MYO15A: variants seen among roughly 807,000 people sequenced by gnomAD.
MYO15A encodes unconventional myosin-XV.
A neutral mutation model predicts 394.6 loss-of-function variants in MYO15A; 308 were observed. That is an observed-to-expected ratio of 0.78 (90% CI 0.71 to 0.86). The LOEUF is 0.86. Among genes scored for constraint, MYO15A ranks in the 40% least tolerant of loss-of-function variants. The pLI is 0.00. For missense variants in MYO15A, 4,606 were observed against 4,799.1 expected (o/e 0.96, Z 1.19); for synonymous variants, 1,957 against 2,003.8 (o/e 0.98, Z 0.62).
rs539637895 is a variant in MYO15A at position 18,142,205 on chromosome 17, C to T, written c.5776C>T (p.Arg1926Cys). 13 of 1,613,628 alleles carry T rather than the reference C, an allele frequency of 8.1e-6. No individual in the cohort carries two copies. The highest frequency in any genetic ancestry group is 5.3e-5 in the African/African-American group (4 of 75,052). The change falls in exon 24 of 66, where the codon CGC becomes TGC. Residue 1926 changes from arginine (R) to cysteine (C), a missense_variant. By Grantham distance (180) the Arg-to-Cys change is radical. This residue lies in a region of MYO15A where 2,776 missense variants were observed against 3,109.3 expected (regional missense o/e 0.89). Transcript: ENST00000647165. ...CATTAAGCGGCGATTCCGCTCTCTG[C>T]GCCACAAGATCATCCTGCTGCAAAG... ...FFIKRRFRSL[R>C]HKIILLQSRA...
chr17:18,156,498 C>T (rs1023315577), intron 48 of MYO15A, among the ~76,000 whole-genome samples, 162 bp downstream of exon 48: 3 of 152,226 alleles, frequency 2.0e-5, no homozygotes, highest in Non-Finnish European at 4.4e-5. Flanking sequence ...TCCCTTTTGC[C>T]TGCTCCTTCA....
chr17:18,157,902 T>TGAGA lies in MYO15A; in HGVS notation c.8967+3_8967+6dup. On this transcript the variant is annotated splice_region_variant and intron_variant, in intron 51 of 65. Coordinates refer to ENST00000647165, the MANE Select transcript of MYO15A (RefSeq NM_016239.4). The stretch of plus-strand genomic sequence containing the variant: ...CAGGAGGTGGGCCGCAGGAGAGAGG[T>TGAGA]GAGACCAGTGTGGGTGGGGTGGGGC... 1 of 1,067,478 alleles carries TGAGA rather than the reference T, an allele frequency of 9.4e-7. No homozygotes were observed. Among genetic ancestry groups the TGAGA allele is most frequent in the Non-Finnish European group, 1.2e-6 (1 of 860,498 alleles). The allele number at this position is 1,067,478 out of a possible 1,614,324, so 66.1% of individuals were successfully genotyped here. A position where few individuals can be genotyped will look rare whatever the true frequency, so the allele number is the denominator to read the frequency against.
chr17:18,172,940 C>A (rs1379859692), intron 64 of MYO15A, among the ~76,000 whole-genome samples: 1 of 152,148 alleles, frequency 6.6e-6, no homozygotes, highest in Non-Finnish European at 1.5e-5. Flanking sequence ...GGACCTGTTA[C>A]CCCCTTAGTT....
At chr17:18,130,487 G>A (rs1249193324) in intron 7 of MYO15A, among the ~76,000 whole-genome samples, 1 of 152,140 alleles carries the variant, frequency 6.6e-6, no homozygotes, top group Non-Finnish European at 1.5e-5. Flanking sequence ...AATGGTCAGA[G>A]GCAGGAGTGG....
intron 10 of MYO15A, among the ~76,000 whole-genome samples, chr17:18,131,746 C>A (rs991390498): frequency 6.6e-6 from 1 of 152,128 alleles, no homozygotes; most frequent in Admixed American, 6.5e-5. Context: ...CACGCTCCTG[C>A]CAGGGCCTTT....
chr17:18,112,408 T>G (rs1246167796), intron 1 of MYO15A, among the ~76,000 whole-genome samples: 3 of 149,450 alleles, frequency 2.0e-5, no homozygotes, highest in Non-Finnish European at 4.4e-5. Context: ...TTTTGGGGGG[T>G]CGTGGGGGAC....
rs2046369233 is a variant in MYO15A, at chr17:18,141,027, T to G, written c.5415T>G (p.Gly1805=). 6.2e-7 allele frequency: 1 copy of G among 1,613,876 alleles called. No homozygotes were observed. The part of the protein sequence containing the change: ...CLKPNHKKEP[G]LFEPDVVMAQ... ...TCTGGGCATCCCTACAGGAGCCAGG[T>G]CTCTTTGAGCCAGATGTGGTAATGG... Residue 1805 remains glycine, a synonymous_variant, in exon 22 of 66, where the codon GGT becomes GGG. Coordinates refer to ENST00000647165, the MANE Select transcript of MYO15A (RefSeq NM_016239.4).
At chr17:18,164,039 GC>G (rs766416466) in intron 60 of MYO15A, 96 of 628,568 alleles carry the variant, frequency 1.5e-4, no homozygotes, top group Non-Finnish European at 2.2e-4. Context: ...TGCTTAGTTT[GC>G]CTCACCTTAT....
chr17:18,172,241 T>C lies in MYO15A; in HGVS notation c.10301T>C (p.Ile3434Thr). ...CSNIAVPAPC[I>T]LAINHNGLNF... ...AACATTGCTGTGCCAGCCCCTTGCA[T>C]CCTTGCCATCAACCACAATGGCCTC... Residue 3434 changes from isoleucine to threonine, a missense_variant, in exon 64 of 66, where the codon ATC (isoleucine) becomes ACC (threonine). Physicochemically the swap from Ile to Thr is moderately conservative, Grantham distance 89. Transcript: ENST00000647165. The C allele has an allele frequency of 6.2e-7, 1 of 1,614,206 alleles. No homozygotes were observed. The highest frequency in any genetic ancestry group is 8.5e-7 in the Non-Finnish European group (1 of 1,180,036).
rs746677288 is a variant in MYO15A at position 18,119,472 on chromosome 17, C to T, written c.672C>T (p.Tyr224=). 7 of 1,612,720 alleles carry T rather than the reference C, an allele frequency of 4.3e-6. No homozygotes were observed. The South Asian group carries it at 4.4e-5, about 10-fold the overall frequency. Residue 224 remains tyrosine, a synonymous_variant, in exon 2 of 66, where the codon TAC becomes TAT. Coordinates refer to ENST00000647165, the MANE Select transcript of MYO15A (RefSeq NM_016239.4). ...ACTCGGGCTCCCGCAAGTCGCTGTACGGGCTTGAGGGCTTCCAGGACCTGG... is the reference window on the plus strand; with the variant it reads ...ACTCGGGCTCCCGCAAGTCGCTGTATGGGCTTGAGGGCTTCCAGGACCTGG... ...FHHSGSRKSL[Y]GLEGFQDLGE...
intron 64 of MYO15A, 112 bp from the exon 65 acceptor site, chr17:18,173,669 A>G: frequency 2.1e-6 from 3 of 1,449,260 alleles, no homozygotes; most frequent in Non-Finnish European, 2.9e-6. Context: ...CTGGTACTTG[A>G]ACTGGAGTGA....
Position 18,145,968 on chromosome 17 carries a change from C to G in MYO15A, c.6370C>G (p.Arg2124Gly). The G allele has an allele frequency of 6.2e-7, 1 of 1,613,762 alleles. No homozygotes were observed. The highest frequency in any genetic ancestry group is 8.5e-7 in the Non-Finnish European group (1 of 1,180,014). The change falls in exon 30 of 66, where the codon CGG becomes GGG. Residue 2124 changes from arginine (R) to glycine (G), a missense_variant. Physicochemically the swap from Arg to Gly is moderately radical, Grantham distance 125. Transcript: ENST00000647165. ...VQKGLAVPEL[R>G]DEILAQLANQ... ...GAAGGGGCTGGCGGTGCCTGAGCTG[C>G]GGGATGAGATCCTGGCACAGCTGGC...
At position 18,127,868 on chromosome 17, in the gene MYO15A, T is replaced by C. The variant is rs1054230083; in HGVS notation, c.4032+703T>C. Among the ~76,000 whole-genome samples the C allele has an allele frequency of 2.9e-5, 4 of 139,410 alleles. 1 individual carries two copies. The Admixed American group carries it at 2.9e-4, about 10-fold the overall frequency. The allele number at this position is 139,410 out of a possible 152,430, so 91.5% of individuals were successfully genotyped here. On this transcript the variant is annotated intron_variant, in intron 7 of 65. Transcript: ENST00000647165. ...ATATATATATATATATATACACTTA[T>C]ATAAGTAAATTATGTGTATGTGAAA...
At chr17:18,122,568 C>T in intron 2 of MYO15A, 159 bp downstream of exon 2, 1 of 1,148,598 alleles carries the variant, frequency 8.7e-7, no homozygotes, top group Admixed American at 2.9e-5. Context: ...CTGGACCTCC[C>T]AGAACCTCTG....
Position 18,150,350 on chromosome 17 carries a change from C to T in MYO15A, c.7213-79C>T. ...CTCCCACGAGAGGGTGGGGAAGAGG[C>T]CAGTGTCAGGTGCCTGTTGCCATGG... On this transcript the variant is annotated intron_variant, in intron 35 of 65. Transcript: ENST00000647165. This position sits in a 1 kb window ranked among gnomAD's most constrained non-coding sequence, Gnocchi z 4.4. 1 of 1,305,060 alleles carries T rather than the reference C, an allele frequency of 7.7e-7. No individual in the cohort carries two copies. The highest frequency in any genetic ancestry group is 1.1e-6 in the Non-Finnish European group (1 of 903,362). The allele number at this position is 1,305,060 out of a possible 1,614,324, so 80.8% of individuals were successfully genotyped here.
intron 16 of MYO15A, 41 bp downstream of exon 16, chr17:18,137,720 G>A (rs1469857707): frequency 1.4e-5 from 22 of 1,595,208 alleles, no homozygotes; most frequent in Non-Finnish European, 1.8e-5. Context: ...TGTCTTGACT[G>A]GCCAGTGGAC....
rs1240409891 is a variant in MYO15A, at chr17:18,121,032, G to A, written c.2232G>A (p.Ser744=). Residue 744 remains serine (S), a synonymous_variant, in exon 2 of 66, where the codon TCG becomes TCA. Transcript: ENST00000647165. The surrounding 1 kb of genome is among the most constrained non-coding windows in gnomAD (Gnocchi z 5.3). ...DLLAFPGPRP[S]FRGSRRRGAA... ...TAGCCTTCCCAGGGCCCCGACCCTC[G>A]TTCAGGGGCTCCCGCCGGAGAGGGG... The A allele has an allele frequency of 3.3e-6, 5 of 1,509,494 alleles. No individual in the cohort carries two copies. Among genetic ancestry groups the A allele is most frequent in the Admixed American group, 2.0e-5 (1 of 49,000 alleles). The allele number at this position is 1,509,494 out of a possible 1,614,324, so 93.5% of individuals were successfully genotyped here.
chr17:18,121,602 TCCC>T lies in MYO15A; in HGVS notation c.2803_2805del (p.Pro935del). The stretch of plus-strand genomic sequence containing the variant: ...CCCCCAGCTGGGACGTGGACATGCC[TCCC>T]ACCCAACGCCCACCCTCCCCCTGGC... On this transcript the variant is annotated inframe_deletion, in exon 2 of 66. Transcript: ENST00000647165. The surrounding 1 kb of genome is among the most constrained non-coding windows in gnomAD (Gnocchi z 5.3). 1 of 1,595,630 alleles carries T rather than the reference TCCC, an allele frequency of 6.3e-7. No individual in the cohort carries two copies. Among genetic ancestry groups the T allele is most frequent in the Non-Finnish European group, 8.5e-7 (1 of 1,170,388 alleles).
In MYO15A at chr17:18,153,231, TTCTCTGCTAAAAACACAAAAA is replaced by T. The variant is rs2046613958; in HGVS notation, c.7967-542_7967-522del. On this transcript the variant is annotated intron_variant, in intron 42 of 65. Coordinates refer to ENST00000647165, the MANE Select transcript of MYO15A (RefSeq NM_016239.4). The surrounding 1 kb of genome is among the most constrained non-coding windows in gnomAD (Gnocchi z 4.1). The stretch of plus-strand genomic sequence containing the variant: ...ATCCTGGCCAATATGGTGAAACCCC[TTCTCTGCTAAAAACACAAAAA>T]TTAGCTGGGCGTGGTGGTGGGCACA... 6.8e-6 allele frequency among the ~76,000 whole-genome samples: 1 copy of T among 148,002 alleles called. No individual in the cohort carries two copies. Among genetic ancestry groups the T allele is most frequent in the South Asian group, 2.1e-4 (1 of 4,680 alleles).
Sources: gnomAD v4.1 joint callset for allele counts (sites outside exome capture counted in the v4.1 genomes callset) on GRCh38, gnomAD v4.1.1 for gene constraint, gnomAD v4.1.1 regional missense constraint, Gnocchi (gnomAD v3.1) non-coding constraint, MANE v1.5 for transcripts, NCBI Gene and HGNC (gene_info 2026-07-23, HGNC 2026-07-21) for gene names.